Variants in CSMD1 observed in about 807,000 individuals in gnomAD.
CSMD1 encodes CUB and sushi domain-containing protein 1.
A neutral mutation model predicts 417.5 loss-of-function variants in CSMD1; 213 were observed. The observed-to-expected ratio is 0.51, with a 90% confidence interval of 0.46 to 0.57. CSMD1 has a LOEUF of 0.57. Among genes scored for constraint, CSMD1 ranks in the 20% least tolerant of loss-of-function variants. The pLI, the probability that CSMD1 is intolerant of heterozygous loss-of-function variation, is 0.00. For missense variants in CSMD1, 6,923 were observed against 4,529.7 expected (o/e 1.53, Z -15.17); for synonymous variants, 2,862 against 1,736.8 (o/e 1.65, Z -16.11).
intron 12 of CSMD1, among the ~76,000 whole-genome samples, chr8:3,452,736 T>C (rs899132543): frequency 2.0e-5 from 3 of 152,210 alleles, no homozygotes; most frequent in Non-Finnish European, 2.9e-5. Context: ...TTATTGAGGA[T>C]TTTTGCATCG....
chr8:3,339,017 G>A (rs1231991630), intron 23 of CSMD1, among the ~76,000 whole-genome samples: 3 of 127,414 alleles, frequency 2.4e-5, no homozygotes, highest in Non-Finnish European at 3.1e-5. Flanking sequence ...CCCTGAGTGT[G>A]ATATTCCCCT....
At position 4,964,501 on chromosome 8, in the gene CSMD1, C is replaced by CAAAAAAAA. The variant is rs768264857; in HGVS notation, c.85+29830_85+29831insTTTTTTTT. Among the ~76,000 whole-genome samples, 15 of 81,052 alleles carry CAAAAAAAA rather than the reference C, an allele frequency of 1.9e-4. 1 individual carries two copies. The highest frequency in any genetic ancestry group is 6.1e-4 in the African/African-American group (11 of 18,160). 53.2% of individuals were successfully genotyped at this position (81,052 alleles called of 152,430 possible). On this transcript the variant is annotated intron_variant, in intron 1 of 69. Transcript: ENST00000635120. ...ATCACAACACAGCAAGACCCTGTCTCCAAAAAAAAAAAAAAAAAAAAAAAG... is the reference window on the plus strand; with the variant it reads ...ATCACAACACAGCAAGACCCTGTCTCAAAAAAAACAAAAAAAAAAAAAAAAAAAAAAAG...
intron 1 of CSMD1, among the ~76,000 whole-genome samples, chr8:4,929,282 G>T (rs10111931): frequency 6.6e-6 from 1 of 152,100 alleles, no homozygotes; most frequent in Non-Finnish European, 1.5e-5. Flanking sequence ...CGTCGTTGTG[G>T]ACTTCCAGCC....
At chr8:3,780,185 G>T (rs900641829) in intron 5 of CSMD1, among the ~76,000 whole-genome samples, 3 of 152,198 alleles carry the variant, frequency 2.0e-5, no homozygotes, top group East Asian at 1.9e-4. Flanking sequence ...CAGGTTAAAA[G>T]TTAAAAGCAT....
At chr8:3,178,446 G>A (rs1286283835) in intron 37 of CSMD1, among the ~76,000 whole-genome samples, 1 of 151,994 alleles carries the variant, frequency 6.6e-6, no homozygotes, top group African/African-American at 2.4e-5. Flanking sequence ...GTCATTGTTT[G>A]TAAAACAGCC....
chr8:4,298,597 A>G (rs796939877), intron 3 of CSMD1, among the ~76,000 whole-genome samples: 61 of 152,294 alleles, frequency 4.0e-4, no homozygotes, highest in African/African-American at 1.4e-3. Flanking sequence ...ATTGATACAC[A>G]TATTTAATGT....
chr8:3,404,408 G>A (rs1249033223), intron 15 of CSMD1, among the ~76,000 whole-genome samples: 1 of 151,994 alleles, frequency 6.6e-6, no homozygotes, highest in Non-Finnish European at 1.5e-5. Context: ...GGTGGGACCA[G>A]GGCAGGATGA....
In CSMD1 at chr8:4,159,347, A is replaced by G. The variant is rs192294723; in HGVS notation, c.416-127248T>C. ...CATTATTAGTACTCAAATGGAGGAA[A>G]TATTTTTATTTGTGATTCAGTAATC... On this transcript the variant is annotated intron_variant, in intron 3 of 69. Coordinates refer to ENST00000635120, the MANE Select transcript of CSMD1 (RefSeq NM_033225.6). 5.9e-5 allele frequency among the ~76,000 whole-genome samples: 9 copies of G among 152,318 alleles called. No homozygotes were observed. The East Asian group carries it at 1.2e-3, about 20-fold the overall frequency.
chr8:3,198,470 G>T (rs184712884), intron 33 of CSMD1, among the ~76,000 whole-genome samples: 2 of 152,220 alleles, frequency 1.3e-5, no homozygotes, highest in East Asian at 3.9e-4. Context: ...AAAACTACTG[G>T]GTAATTATTT....
At chr8:4,150,834 A>G (rs1469104651) in intron 3 of CSMD1, among the ~76,000 whole-genome samples, 1 of 152,088 alleles carries the variant, frequency 6.6e-6, no homozygotes, top group Non-Finnish European at 1.5e-5. Context: ...GGAGGGACAG[A>G]ATAACCTTAA....
intron 3 of CSMD1, among the ~76,000 whole-genome samples, chr8:4,085,030 C>G (rs1174676339): frequency 1.3e-5 from 2 of 152,104 alleles, no homozygotes; most frequent in Non-Finnish European, 2.9e-5. Flanking sequence ...GCAAACTATC[C>G]ACAAATTCTA....
intron 7 of CSMD1, among the ~76,000 whole-genome samples, chr8:3,653,544 AG>A (rs1291597088): frequency 6.6e-6 from 1 of 152,176 alleles, no homozygotes; most frequent in African/African-American, 2.4e-5. Flanking sequence ...CCTGACCTCA[AG>A]TAATCAGCGC....
intron 5 of CSMD1, among the ~76,000 whole-genome samples, chr8:3,870,629 G>A (rs186075262): frequency 1.1e-3 from 171 of 152,198 alleles, no homozygotes; most frequent in African/African-American, 4.0e-3. Context: ...GAATCTTACA[G>A]GTGAAATGGG....
chr8:4,089,291 C>G (rs1394690007), intron 3 of CSMD1, among the ~76,000 whole-genome samples: 1 of 152,104 alleles, frequency 6.6e-6, no homozygotes, highest in Admixed American at 6.5e-5. Context: ...TGCCTGCCAA[C>G]TTGTAGATGT....
At position 3,029,315 on chromosome 8, in the gene CSMD1, T is replaced by C; in HGVS notation, c.7855+4A>G. On this transcript the variant is annotated splice_donor_region_variant and intron_variant, in intron 51 of 69. Coordinates refer to ENST00000635120, the MANE Select transcript of CSMD1 (RefSeq NM_033225.6). ...CTTTCAGGGGTGCCTCCCTCATCAC[T>C]TACCTCGACAGCTTGGCCTCTCATC... The C allele has an allele frequency of 1.9e-6, 3 of 1,598,776 alleles. No individual in the cohort carries two copies. In the South Asian group the frequency reaches 3.4e-5, roughly 18 times the overall value.
At chr8:3,878,062 G>A (rs531478330) in intron 5 of CSMD1, among the ~76,000 whole-genome samples, 20 of 152,000 alleles carry the variant, frequency 1.3e-4, no homozygotes, top group African/African-American at 4.6e-4. Flanking sequence ...ATTCATGCTG[G>A]GTGGTCATGC....
At chr8:3,940,783 A>C (rs1214410837) in intron 5 of CSMD1, among the ~76,000 whole-genome samples, 1 of 151,790 alleles carries the variant, frequency 6.6e-6, no homozygotes, top group Non-Finnish European at 1.5e-5. Context: ...TTCTCTTTTT[A>C]TTAAAATATT....
At chr8:4,796,427 A>G (rs986949113) in intron 1 of CSMD1, among the ~76,000 whole-genome samples, 9 of 151,638 alleles carry the variant, frequency 5.9e-5, no homozygotes, top group Non-Finnish European at 1.0e-4. Context: ...TGCATTTGCA[A>G]TTTTCTCCTC....
At chr8:4,484,922 G>C (rs534653298) in intron 2 of CSMD1, among the ~76,000 whole-genome samples, 1 of 138,866 alleles carries the variant, frequency 7.2e-6, no homozygotes, top group East Asian at 2.3e-4. Flanking sequence ...GCAGTGAGCC[G>C]AGATCGTGCC....
Sources: gnomAD v4.1 joint callset for allele counts (sites outside exome capture counted in the v4.1 genomes callset) on GRCh38, gnomAD v4.1.1 for gene constraint, MANE v1.5 for transcripts, NCBI Gene and HGNC (gene_info 2026-07-23, HGNC 2026-07-21) for gene names.